ZNF711: variants seen among roughly 807,000 people sequenced by gnomAD.
The protein encoded by ZNF711 is ZFX family zinc finger ZNF711.
In ZNF711, 3 loss-of-function variants were observed where a neutral mutation model predicts 43.5. The observed-to-expected ratio is 0.07, with a 90% CI of 0.03 to 0.18. The LOEUF (loss-of-function observed/expected upper bound fraction) is 0.18, where lower values mean the gene tolerates loss of function less well. ZNF711 is among the 10% of genes least tolerant of loss of function. The pLI, the probability that ZNF711 is intolerant of heterozygous loss-of-function variation, is 1.00. For missense variants in ZNF711, 412 were observed against 604.0 expected (o/e 0.68, Z 3.33); for synonymous variants, 209 against 207.7 (o/e 1.01, Z -0.06).
chrX:85,265,221 A>G lies in ZNF711; in HGVS notation c.882A>G (p.Ala294=). 1 of 1,209,104 alleles carries G rather than the reference A, an allele frequency of 8.3e-7. No homozygotes were observed. The highest frequency in any genetic ancestry group is 1.1e-6 in the Non-Finnish European group (1 of 893,880). Residue 294 remains alanine, a synonymous_variant, in exon 7 of 11, where the codon GCA becomes GCG. Transcript: ENST00000674551. ...RMQREKMVYM[A]VKDSSQEEDD... Reference sequence around the variant, plus strand: ...AGCGGGAGAAGATGGTTTACATGGCAGTTAAAGATTCTTCTCAAGAAGAAG... The same window carrying G: ...AGCGGGAGAAGATGGTTTACATGGCGGTTAAAGATTCTTCTCAAGAAGAAG...
chrX:85,258,817 G>A (rs889969241), intron 5 of ZNF711, among the ~76,000 whole-genome samples: 1 of 110,470 alleles, frequency 9.1e-6, no homozygotes, highest in African/African-American at 3.3e-5. Flanking sequence ...ACCTTTGTCC[G>A]ATGCATAGTT....
rs375972814 is a variant in ZNF711 at position 85,244,148 on chromosome X, A to G, written c.-449A>G. 0.03 allele frequency: 3,997 copies of G among 132,426 alleles called. 105 individuals are homozygous for G. The highest frequency in any genetic ancestry group is 0.084 in the African/African-American group (2,171 of 25,892). 10.9% of individuals were successfully genotyped at this position (132,426 alleles called of 1,213,427 possible). A position where few individuals can be genotyped will look rare whatever the true frequency, so the allele number is the denominator to read the frequency against. The stretch of plus-strand genomic sequence containing the variant: ...AGGCGGCGGCGGCGGCGGCGGCGGC[A>G]GCGGCGGCGGCAGCGGCGGCGGCAG... On this transcript the variant is annotated 5_prime_UTR_variant, in exon 1 of 11. Transcript: ENST00000674551.
chrX:85,250,161 A>G (rs1380591340), intron 4 of ZNF711, among the ~76,000 whole-genome samples: 2 of 112,348 alleles, frequency 1.8e-5, no homozygotes, highest in African/African-American at 6.5e-5. Context: ...GTGTTTGACA[A>G]AATAAGCTTT....
intron 2 of ZNF711, 68 bp downstream of exon 2, chrX:85,246,090 T>C (rs1048266203): frequency 8.9e-6 from 1 of 112,181 alleles, no homozygotes; most frequent in Non-Finnish European, 1.9e-5. Flanking sequence ...TTTAAAAACA[T>C]TTTCAGACAT....
chrX:85,253,410 T>A (rs1929718772), intron 4 of ZNF711, among the ~76,000 whole-genome samples: 3 of 111,730 alleles, frequency 2.7e-5, no homozygotes, highest in Admixed American at 1.9e-4. Context: ...TAGTATCCTT[T>A]TACGTTTTTG....
Position 85,270,796 on chromosome X carries a change from T to C in ZNF711, c.1392T>C (p.Asp464=). ...TGAGAAAAAAATATCAGTGTACAGATTGTGACTTTACAACTAACAAGAAAG... is the reference window on the plus strand; with the variant it reads ...TGAGAAAAAAATATCAGTGTACAGACTGTGACTTTACAACTAACAAGAAAG... The part of the protein sequence containing the change: ...HLMRKKYQCT[D]CDFTTNKKVS... Residue 464 remains aspartate (D), a synonymous_variant, in exon 11 of 11, where the codon GAT becomes GAC. Coordinates refer to ENST00000674551, the MANE Select transcript of ZNF711 (RefSeq NM_001330574.2). The C allele has an allele frequency of 1.7e-6, 2 of 1,205,076 alleles. No individual in the cohort carries two copies. Among genetic ancestry groups the C allele is most frequent in the African/African-American group, 1.7e-5 (1 of 57,589 alleles).
intron 8 of ZNF711, 109 bp from the exon 9 acceptor site, chrX:85,268,185 A>T: frequency 1.0e-6 from 1 of 966,074 alleles, no homozygotes; most frequent in Non-Finnish European, 1.4e-6. Context: ...TAACCCAAGG[A>T]ATGGTGGGCA....
At chrX:85,255,146 T>A in intron 4 of ZNF711, 113 bp from the exon 5 acceptor site, 1 of 726,036 alleles carries the variant, frequency 1.4e-6, no homozygotes, top group Non-Finnish European at 2.0e-6. Context: ...ATGATTTATT[T>A]GGCCAAGATT....
At position 85,271,362 on chromosome X, in the gene ZNF711, G is replaced by A. The variant is rs1254902932; in HGVS notation, c.1958G>A (p.Arg653Gln). 3 of 1,210,227 alleles carry A rather than the reference G, an allele frequency of 2.5e-6. No homozygotes were observed. The highest frequency in any genetic ancestry group is 2.2e-6 in the Non-Finnish European group (2 of 894,870). ...AGCACCAATTCAAGTGACCTTAAGC[G>A]GCACATCATATCTGTCCATACTAAG... ...HKSTNSSDLK[R>Q]HIISVHTKDF... The change falls in exon 11 of 11, where the codon CGG (arginine) becomes CAG (glutamine). Residue 653 changes from arginine (R) to glutamine (Q), a missense_variant. Physicochemically the swap from Arg to Gln is conservative, Grantham distance 43 (BLOSUM62 1). This residue lies in a region of ZNF711 where 375 missense variants were observed against 514.2 expected (regional missense o/e 0.73). Coordinates refer to ENST00000674551, the MANE Select transcript of ZNF711 (RefSeq NM_001330574.2).
chrX:85,258,451 A>C (rs1930363826), intron 5 of ZNF711, among the ~76,000 whole-genome samples: 1 of 110,594 alleles, frequency 9.0e-6, no homozygotes, highest in Admixed American at 9.7e-5. Flanking sequence ...GGGTGCACTA[A>C]AATCTCATAA....
chrX:85,264,247 C>T, intron 5 of ZNF711, 28 bp from the exon 6 acceptor site: 1 of 1,148,429 alleles, frequency 8.7e-7, no homozygotes, highest in Non-Finnish European at 1.2e-6. Flanking sequence ...TATTTTTTGA[C>T]TGAAATAATT....
At chrX:85,259,658 C>T (rs1930468581) in intron 5 of ZNF711, among the ~76,000 whole-genome samples, 1 of 110,110 alleles carries the variant, frequency 9.1e-6, no homozygotes, top group Admixed American at 9.7e-5. Flanking sequence ...GGCTGTTGTA[C>T]ATGTAATTGC....
At chrX:85,268,545 T>C (rs147418866) in intron 9 of ZNF711, among the ~76,000 whole-genome samples, 290 of 110,874 alleles carry the variant, frequency 2.6e-3, no homozygotes, top group Non-Finnish European at 4.1e-3. Flanking sequence ...GTAAATGCAG[T>C]TCCATTTAGA....
rs752642815 is a variant in ZNF711 at position 85,255,406 on chromosome X, T to C, written c.227T>C (p.Ile76Thr). 2.6e-5 allele frequency: 31 copies of C among 1,211,772 alleles called. No individual in the cohort carries two copies. The highest frequency in any genetic ancestry group is 3.5e-5 in the Non-Finnish European group (31 of 895,568). The change falls in exon 5 of 11, where the codon ATC becomes ACC. Residue 76 changes from isoleucine (I) to threonine (T), a missense_variant. By Grantham distance (89) the Ile-to-Thr change is moderately conservative. Around this residue, in one of 4 missense-constraint regions of ZNF711, gnomAD observed 375 missense variants for 514.2 expected, o/e 0.73. Transcript: ENST00000674551. ...GCTGAAGTTGTCCATGGACCTGATA[T>C]CATCACAGAGACTGATGTAGTAACA... ...LAAEVVHGPD[I>T]ITETDVVTEG...
At chrX:85,248,681 A>G (rs190516129) in intron 4 of ZNF711, among the ~76,000 whole-genome samples, 252 of 110,653 alleles carry the variant, frequency 2.3e-3, no homozygotes, top group African/African-American at 7.9e-3. Flanking sequence ...AGAATTGAAG[A>G]TAAGATTGGA....
rs1216545696 is a variant in ZNF711, at chrX:85,270,033, G to C, written c.1133G>C (p.Arg378Thr). ...ACTTTGGACTCAGCATTAGAAAGCA[G>C]AAGTAGTACAGCAGCACAGTACCTT... Reference protein sequence around the residue: ...GNTLDSALESRSSTAAQYLQI... With the variant: ...GNTLDSALESTSSTAAQYLQI... Residue 378 changes from arginine (R) to threonine (T), a missense_variant, in exon 10 of 11, where the codon AGA (arginine) becomes ACA (threonine). By Grantham distance (71) the Arg-to-Thr change is moderately conservative. Around this residue, in one of 4 missense-constraint regions of ZNF711, gnomAD observed 375 missense variants for 514.2 expected, o/e 0.73. Transcript: ENST00000674551. The C allele has an allele frequency of 8.3e-7, 1 of 1,208,381 alleles. No homozygotes were observed. Among genetic ancestry groups the C allele is most frequent in the African/African-American group, 1.8e-5 (1 of 56,953 alleles).
Position 85,267,782 on chromosome X carries a change from G to A in ZNF711, c.1054+367G>A, listed in dbSNP as rs774978394. Among the ~76,000 whole-genome samples the A allele has an allele frequency of 5.4e-5, 6 of 111,317 alleles. No individual in the cohort carries two copies. In the South Asian group the frequency reaches 1.9e-3, roughly 34 times the overall value. ...ACTCTACAGATGATAAAGTTTTGGGGTTTTGAAAAAGAAACAGAAACCCAG... is the reference window on the plus strand; with the variant it reads ...ACTCTACAGATGATAAAGTTTTGGGATTTTGAAAAAGAAACAGAAACCCAG... On this transcript the variant is annotated intron_variant, in intron 8 of 10. Coordinates refer to ENST00000674551, the MANE Select transcript of ZNF711 (RefSeq NM_001330574.2).
chrX:85,265,263 A>C lies in ZNF711; in HGVS notation c.916+8A>C. ...AAGAAGAAGATGATATCAGTAAGAA[A>C]ATAAGGGCACTGTAGTGACTTATCA... On this transcript the variant is annotated splice_region_variant and intron_variant, in intron 7 of 10. Transcript: ENST00000674551. 1 of 1,206,339 alleles carries C rather than the reference A, an allele frequency of 8.3e-7. No homozygotes were observed. The highest frequency in any genetic ancestry group is 1.7e-5 in the African/African-American group (1 of 57,529).
At chrX:85,250,518 ATTG>A (rs748230737) in intron 4 of ZNF711, among the ~76,000 whole-genome samples, 65 of 111,868 alleles carry the variant, frequency 5.8e-4, no homozygotes, top group African/African-American at 2.0e-3. Flanking sequence ...AAAGGCACTT[ATTG>A]TTGTTTTTGT....
Sources: gnomAD v4.1 joint callset for allele counts (sites outside exome capture counted in the v4.1 genomes callset) on GRCh38, gnomAD v4.1.1 for gene constraint, gnomAD v4.1.1 regional missense constraint, MANE v1.5 for transcripts, NCBI Gene and HGNC (gene_info 2026-07-23, HGNC 2026-07-21) for gene names.